Variants in PCDHGA8 observed in about 807,000 individuals in gnomAD.
The protein encoded by PCDHGA8 is protocadherin gamma-A8.
A neutral mutation model predicts 59.2 loss-of-function variants in PCDHGA8; 45 were observed. The ratio of observed to expected loss-of-function variants is 0.76; its 90% confidence interval spans 0.60 to 0.98. PCDHGA8 has a LOEUF of 0.98. Ranked by LOEUF, PCDHGA8 falls within the 50% of genes least tolerant of loss-of-function variation. The pLI, the probability that PCDHGA8 is intolerant of heterozygous loss-of-function variation, is 0.00. For synonymous variants in PCDHGA8, 531 were observed against 519.0 expected, an observed-to-expected ratio of 1.02 and a Z score of -0.32; for missense variants, 1,257 against 1,196.2, an observed-to-expected ratio of 1.05 and a Z score of -0.75.
chr5:141,489,837 G>A lies in PCDHGA8; in HGVS notation c.2425-4970G>A. 6.2e-7 allele frequency: 1 copy of A among 1,614,204 alleles called. No individual in the cohort carries two copies. ...TCCCAGAGCTGGTGCTAGAGCAGCAGCTGGATCGTGAAGCCCAGGCAAGAC... is the reference window on the plus strand; with the variant it reads ...TCCCAGAGCTGGTGCTAGAGCAGCAACTGGATCGTGAAGCCCAGGCAAGAC... On this transcript the variant is annotated intron_variant, in intron 1 of 3. Transcript: ENST00000398604. This position sits in a 1 kb window ranked among gnomAD's most constrained non-coding sequence, Gnocchi z 4.5.
intron 1 of PCDHGA8, chr5:141,400,143 T>G: frequency 6.2e-7 from 1 of 1,614,104 alleles, no homozygotes; most frequent in Non-Finnish European, 8.5e-7. Context: ...CGGATATCAC[T>G]GACCGCCCTG....
intron 1 of PCDHGA8, among the ~76,000 whole-genome samples, chr5:141,452,350 A>G (rs1355934993): frequency 6.6e-6 from 1 of 152,212 alleles, no homozygotes; most frequent in Admixed American, 6.5e-5. Context: ...CCATTTATCC[A>G]AAAGCCTTGC....
At chr5:141,494,965 C>T in intron 2 of PCDHGA8, 100 bp downstream of exon 2, 1 of 1,592,636 alleles carries the variant, frequency 6.3e-7, no homozygotes, top group Non-Finnish European at 8.6e-7. Context: ...CTACAGATGG[C>T]TTCTCCCTCA....
chr5:141,477,219 G>A lies in PCDHGA8; in HGVS notation c.2425-17588G>A. ...CCAGTACCCGAGGATGCCCCTCTGG[G>A]GACTGTCATCGCTTTGCTCAGTGTG... On this transcript the variant is annotated intron_variant, in intron 1 of 3. Coordinates refer to ENST00000398604, the MANE Select transcript of PCDHGA8 (RefSeq NM_032088.2). The surrounding 1 kb of genome is among the most constrained non-coding windows in gnomAD (Gnocchi z 4.9). 1 of 1,614,162 alleles carries A rather than the reference G, an allele frequency of 6.2e-7. No homozygotes were observed. The highest frequency in any genetic ancestry group is 8.5e-7 in the Non-Finnish European group (1 of 1,180,038).
At chr5:141,414,740 G>A (rs776833780) in intron 1 of PCDHGA8, 1 of 1,614,208 alleles carries the variant, frequency 6.2e-7, no homozygotes, top group South Asian at 1.1e-5. Flanking sequence ...TATGCACTCA[G>A]ATCCTTCGAC....
chr5:141,438,619 TATATATATATATATATACACAC>T (rs1408639052), intron 1 of PCDHGA8, among the ~76,000 whole-genome samples: 61 of 39,666 alleles, frequency 1.5e-3, no homozygotes, highest in African/African-American at 9.2e-3. Context: ...TATATATATA[TATATATATATATATATACACAC>T]ACACACACAC....
intron 1 of PCDHGA8, chr5:141,409,528 C>T (rs1488294674): frequency 3.1e-6 from 5 of 1,613,882 alleles, no homozygotes; most frequent in Non-Finnish European, 4.2e-6. Context: ...CCTTGTATGT[C>T]GCTGACATCA....
Position 141,478,507 on chromosome 5 carries a change from T to C in PCDHGA8, c.2425-16300T>C, listed in dbSNP as rs781120326. The C allele has an allele frequency of 4.3e-6, 7 of 1,612,048 alleles. No homozygotes were observed. In the East Asian group the frequency reaches 1.3e-4, roughly 31 times the overall value. On this transcript the variant is annotated intron_variant, in intron 1 of 3. Transcript: ENST00000398604. The stretch of plus-strand genomic sequence containing the variant: ...TGCGGAGCTGTGATCCGGTGTTCTA[T>C]AGGCAGGTGTTGGGTGCAGAGAGCG...
At chr5:141,483,790 AGTT>A (rs963139644) in intron 1 of PCDHGA8, among the ~76,000 whole-genome samples, 14 of 152,290 alleles carry the variant, frequency 9.2e-5, no homozygotes, top group African/African-American at 3.4e-4. Flanking sequence ...TAAGAACTCC[AGTT>A]GTTGCTGCTT....
intron 1 of PCDHGA8, chr5:141,427,068 G>A (rs1407368715): frequency 2.2e-6 from 1 of 457,950 alleles, no homozygotes; most frequent in East Asian, 6.9e-5. Flanking sequence ...TGTACTAAAG[G>A]TGACAGCCAC....
chr5:141,403,571 G>A (rs778030830), intron 1 of PCDHGA8: 1 of 1,613,904 alleles, frequency 6.2e-7, no homozygotes, highest in Non-Finnish European at 8.5e-7. Context: ...GGAGGCAACT[G>A]CCCACCACCT....
Position 141,418,027 on chromosome 5 carries a change from T to A in PCDHGA8, c.2424+22790T>A, listed in dbSNP as rs536104184. 2.4e-5 allele frequency: 38 copies of A among 1,613,808 alleles called. 1 individual carries two copies. In the South Asian group the frequency reaches 4.2e-4, roughly 18 times the overall value. ...GGAACCTCGCTAAGGATCTAGGGCT[T>A]AGTGTCCTGGATGTGTCGGCTCGCG... On this transcript the variant is annotated intron_variant, in intron 1 of 3. Coordinates refer to ENST00000398604, the MANE Select transcript of PCDHGA8 (RefSeq NM_032088.2).
At position 141,487,425 on chromosome 5, in the gene PCDHGA8, G is replaced by A. The variant is rs116499036; in HGVS notation, c.2425-7382G>A. ...CTTCCCCCTTCCAATGGGATCCTCCGAATCCAGCTAGGGTCAGATGACCCT... is the reference window on the plus strand; with the variant it reads ...CTTCCCCCTTCCAATGGGATCCTCCAAATCCAGCTAGGGTCAGATGACCCT... On this transcript the variant is annotated intron_variant, in intron 1 of 3. Coordinates refer to ENST00000398604, the MANE Select transcript of PCDHGA8 (RefSeq NM_032088.2). This position sits in a 1 kb window ranked among gnomAD's most constrained non-coding sequence, Gnocchi z 5.0. The A allele has an allele frequency of 1.1e-5, 17 of 1,613,988 alleles. No individual in the cohort carries two copies. The highest frequency in any genetic ancestry group is 1.6e-4 in the Middle Eastern group (1 of 6,084).
chr5:141,494,556 T>C (rs909822734), intron 1 of PCDHGA8, among the ~76,000 whole-genome samples: 18 of 152,120 alleles, frequency 1.2e-4, no homozygotes, highest in African/African-American at 4.3e-4. Context: ...GCCATTTCTT[T>C]AGGAAAGGAG....
intron 1 of PCDHGA8, among the ~76,000 whole-genome samples, chr5:141,447,851 C>A (rs961725006): frequency 6.6e-6 from 1 of 151,980 alleles, no homozygotes; most frequent in African/African-American, 2.4e-5. Flanking sequence ...TTTGGGAGGC[C>A]GAGGTGGGTG....
chr5:141,498,509 C>T (rs2099784058), intron 2 of PCDHGA8, among the ~76,000 whole-genome samples: 1 of 151,740 alleles, frequency 6.6e-6, no homozygotes, highest in East Asian at 1.9e-4. Flanking sequence ...TCCCTCCCCA[C>T]CATCTTGCCC....
intron 1 of PCDHGA8, chr5:141,399,634 A>C: frequency 6.2e-7 from 1 of 1,613,860 alleles, no homozygotes; most frequent in East Asian, 2.2e-5. Context: ...TTACGTGTCC[A>C]TGAGCGCGCA....
chr5:141,442,014 G>T, intron 1 of PCDHGA8: 1 of 220,044 alleles, frequency 4.5e-6, no homozygotes, highest in Non-Finnish European at 9.2e-6. Flanking sequence ...TCGCACGATG[G>T]GCCACAGGAA....
intron 1 of PCDHGA8, among the ~76,000 whole-genome samples, chr5:141,448,952 C>A (rs1278778374): frequency 2.6e-5 from 4 of 151,698 alleles, no homozygotes; most frequent in Non-Finnish European, 5.9e-5. Flanking sequence ...CTCAAAAAAA[C>A]AAACAAACAA....
Sources: gnomAD v4.1 joint callset for allele counts (sites outside exome capture counted in the v4.1 genomes callset) on GRCh38, gnomAD v4.1.1 for gene constraint, Gnocchi (gnomAD v3.1) non-coding constraint, MANE v1.5 for transcripts, NCBI Gene and HGNC (gene_info 2026-07-23, HGNC 2026-07-21) for gene names.